The following WDR33 variants were observed in gnomAD, a reference collection of about 807,000 sequenced individuals.
The protein encoded by WDR33 is WD repeat domain 33, also known as pre-mRNA 3' end processing protein WDR33.
WDR33 carries 47 observed loss-of-function variants against 164.9 expected under a neutral mutation model. That is an observed-to-expected ratio of 0.29 (90% confidence interval 0.23 to 0.36). The LOEUF is 0.36. Ranked by LOEUF, WDR33 falls within the 10% of genes least tolerant of loss-of-function variation. The probability of loss-of-function intolerance (pLI) is 1.00; values close to 1 mark genes in which losing one functional copy is unlikely to be tolerated. For synonymous variants in WDR33, 505 were observed against 589.0 expected, an observed-to-expected ratio of 0.86 and a Z score of 2.06; for missense variants, 1,137 against 1,754.1, an observed-to-expected ratio of 0.65 and a Z score of 6.28.
At position 127,724,802 on chromosome 2, in the gene WDR33, G is replaced by T; in HGVS notation, c.1085+85C>A. 1 of 1,463,396 alleles carries T rather than the reference G, an allele frequency of 6.8e-7. No individual in the cohort carries two copies. Among genetic ancestry groups the T allele is most frequent in the South Asian group, 1.1e-5 (1 of 87,040 alleles). The allele number at this position is 1,463,396 out of a possible 1,614,324, so 90.7% of individuals were successfully genotyped here. On this transcript the variant is annotated intron_variant, in intron 10 of 21. Coordinates refer to ENST00000322313, the MANE Select transcript of WDR33 (RefSeq NM_018383.5). The surrounding 1 kb of genome is among the most constrained non-coding windows in gnomAD (Gnocchi z 4.8). ...CTGATATAGGATATATGAACACTTA[G>T]AAAAGCTACAAAACTATCATGTCTG...
Position 127,723,474 on chromosome 2 carries a change from T to C in WDR33, c.1197-127A>G, listed in dbSNP as rs1035671724. 1.3e-6 allele frequency: 1 copy of C among 743,964 alleles called. No individual in the cohort carries two copies. The highest frequency in any genetic ancestry group is 2.2e-6 in the Non-Finnish European group (1 of 463,584). The allele number at this position is 743,964 out of a possible 1,614,324, so 46.1% of individuals were successfully genotyped here. ...ATTTGTTTCTTCTACAAATTTAAAA[T>C]GTGAGGTCATACACTTTGGCTCACA... On this transcript the variant is annotated intron_variant, in intron 11 of 21. Coordinates refer to ENST00000322313, the MANE Select transcript of WDR33 (RefSeq NM_018383.5). This position sits in a 1 kb window ranked among gnomAD's most constrained non-coding sequence, Gnocchi z 5.9.
rs569049137 is a variant in WDR33 at position 127,739,464 on chromosome 2, T to C, written c.725-12687A>G. The stretch of plus-strand genomic sequence containing the variant: ...GTATGTTACATGTAATTCAAATAGG[T>C]TCAGTGCTCATATGCTACATAATGG... On this transcript the variant is annotated intron_variant, in intron 7 of 21. Coordinates refer to ENST00000322313, the MANE Select transcript of WDR33 (RefSeq NM_018383.5). Among the ~76,000 whole-genome samples, 241 of 152,336 alleles carry C rather than the reference T, an allele frequency of 1.6e-3. 1 individual carries two copies. Among genetic ancestry groups the C allele is most frequent in the African/African-American group, 5.6e-3 (234 of 41,560 alleles).
rs1221709794 is a variant in WDR33 at position 127,771,011 on chromosome 2, T to A, written c.-23-7A>T. The A allele has an allele frequency of 2.5e-6, 4 of 1,604,080 alleles. No homozygotes were observed. The South Asian group carries it at 3.3e-5, about 13-fold the overall frequency. On this transcript the variant is annotated splice_polypyrimidine_tract_variant and splice_region_variant and intron_variant, in intron 1 of 21. Coordinates refer to ENST00000322313, the MANE Select transcript of WDR33 (RefSeq NM_018383.5). ...ATGTTTTCCTTCTAGGATACTAGGATAAGGAAAAAGTACTTTCACTACAAA... is the reference window on the plus strand; with the variant it reads ...ATGTTTTCCTTCTAGGATACTAGGAAAAGGAAAAAGTACTTTCACTACAAA...
rs1685886381 is a variant in WDR33, at chr2:127,701,708, G to A, written c.*4615C>T. ...CGTGGGCGCGGAGCCCTGCGGAGTC[G>A]GCAGCGGCCGGCCTGACGTGCCTCC... On this transcript the variant is annotated 3_prime_UTR_variant, in exon 22 of 22. Transcript: ENST00000322313. The A allele has an allele frequency of 1.5e-6, 2 of 1,328,052 alleles. No homozygotes were observed. The highest frequency in any genetic ancestry group is 1.9e-5 in the South Asian group (1 of 52,006). 82.3% of individuals were successfully genotyped at this position (1,328,052 alleles called of 1,614,324 possible). A position where few individuals can be genotyped will look rare whatever the true frequency, so the allele number is the denominator to read the frequency against.
At chr2:127,758,479 AGGGCTACT>A (rs1687581703) in intron 7 of WDR33, among the ~76,000 whole-genome samples, 1 of 152,036 alleles carries the variant, frequency 6.6e-6, no homozygotes, top group African/African-American at 2.4e-5. Flanking sequence ...CTGCTCTGGT[AGGGCTACT>A]GGGAAGATTA....
intron 7 of WDR33, chr2:127,736,384 G>A (rs767256549): frequency 4.4e-5 from 43 of 985,284 alleles, no homozygotes; most frequent in Middle Eastern, 5.2e-4. Context: ...GTTGCAAAAT[G>A]TAAGGATTTG....
Position 127,709,407 on chromosome 2 carries a change from C to A in WDR33, c.3565+83G>T. Reference sequence around the variant, plus strand: ...GAGACATGAGCTGGAAAGAGGAGACCCGGTGCACCCCAGAGAGGGCCCTCA... The same window carrying A: ...GAGACATGAGCTGGAAAGAGGAGACACGGTGCACCCCAGAGAGGGCCCTCA... On this transcript the variant is annotated intron_variant, in intron 20 of 21. Coordinates refer to ENST00000322313, the MANE Select transcript of WDR33 (RefSeq NM_018383.5). This position sits in a 1 kb window ranked among gnomAD's most constrained non-coding sequence, Gnocchi z 5.0. 1 of 1,361,124 alleles carries A rather than the reference C, an allele frequency of 7.3e-7. No individual in the cohort carries two copies. The highest frequency in any genetic ancestry group is 1.2e-5 in the South Asian group (1 of 83,972). The allele number at this position is 1,361,124 out of a possible 1,614,324, so 84.3% of individuals were successfully genotyped here. A position where few individuals can be genotyped will look rare whatever the true frequency, so the allele number is the denominator to read the frequency against.
chr2:127,794,152 G>A (rs1281920935), intron 1 of WDR33, among the ~76,000 whole-genome samples: 1 of 148,814 alleles, frequency 6.7e-6, no homozygotes, highest in Admixed American at 6.9e-5. Flanking sequence ...TGTCAAGACA[G>A]ACAGACAGAC....
chr2:127,709,885 T>G lies in WDR33; in HGVS notation c.3309-29A>C. Reference sequence around the variant, plus strand: ...TAAAGAGAAAACAGCAGAATGTCCATCTCAGAGAACACCTTGCCACTCTAA... The same window carrying G: ...TAAAGAGAAAACAGCAGAATGTCCAGCTCAGAGAACACCTTGCCACTCTAA... On this transcript the variant is annotated intron_variant, in intron 18 of 21. Transcript: ENST00000322313. The surrounding 1 kb of genome is among the most constrained non-coding windows in gnomAD (Gnocchi z 5.0). 1 of 1,609,386 alleles carries G rather than the reference T, an allele frequency of 6.2e-7. No individual in the cohort carries two copies. The highest frequency in any genetic ancestry group is 8.5e-7 in the Non-Finnish European group (1 of 1,177,898).
intron 7 of WDR33, among the ~76,000 whole-genome samples, chr2:127,756,002 G>A (rs966671813): frequency 6.6e-6 from 1 of 152,094 alleles, no homozygotes; most frequent in African/African-American, 2.4e-5. Context: ...GATCATAGGT[G>A]CTTCTCAGAA....
At chr2:127,780,426 C>A (rs750882649) in intron 1 of WDR33, among the ~76,000 whole-genome samples, 1 of 152,112 alleles carries the variant, frequency 6.6e-6, no homozygotes, top group Non-Finnish European at 1.5e-5. Context: ...TCTTCATGAG[C>A]GGCAGGCTAG....
chr2:127,779,000 T>C (rs1001391654), intron 1 of WDR33, among the ~76,000 whole-genome samples: 1 of 151,566 alleles, frequency 6.6e-6, no homozygotes, highest in African/African-American at 2.4e-5. Flanking sequence ...GTAAAAAGAG[T>C]TTTAAACTAA....
At chr2:127,725,029 T>G in intron 9 of WDR33, 32 bp downstream of exon 9, 3 of 1,614,128 alleles carry the variant, frequency 1.9e-6, no homozygotes, top group Non-Finnish European at 2.5e-6. Context: ...CAGGTAACAG[T>G]GGTCAATGAG....
At chr2:127,780,339 A>G (rs1405691474) in intron 1 of WDR33, among the ~76,000 whole-genome samples, 1 of 152,222 alleles carries the variant, frequency 6.6e-6, no homozygotes, top group East Asian at 1.9e-4. Context: ...ATTTATGTAT[A>G]GTCCACTAGG....
At chr2:127,760,376 C>A (rs1433499150) in intron 7 of WDR33, among the ~76,000 whole-genome samples, 1 of 152,190 alleles carries the variant, frequency 6.6e-6, no homozygotes, top group African/African-American at 2.4e-5. Context: ...ACATGAACAT[C>A]ATCCTTAATA....
At chr2:127,711,780 A>ATATATATTTTTTT in intron 18 of WDR33, among the ~76,000 whole-genome samples, 1 of 88,320 alleles carries the variant, frequency 1.1e-5, no homozygotes, top group African/African-American at 6.5e-5. Flanking sequence ...ATATATATAT[A>ATATATATTTTTTT]TTTTTTTTTT....
Position 127,701,161 on chromosome 2 carries a change from A to T in WDR33, c.*5162T>A, listed in dbSNP as rs117566639. ...ACAATATCACCGCCACGGTAGACGC[A>T]GTGAGGCCATAAGACATTTCCGTCA... On this transcript the variant is annotated 3_prime_UTR_variant, in exon 22 of 22. Coordinates refer to ENST00000322313, the MANE Select transcript of WDR33 (RefSeq NM_018383.5). 5.7e-6 allele frequency: 1 copy of T among 174,204 alleles called. No individual in the cohort carries two copies. The allele number at this position is 174,204 out of a possible 1,614,324, so 10.8% of individuals were successfully genotyped here.
intron 1 of WDR33, 99 bp downstream of exon 1, chr2:127,810,913 C>T (rs1689628832): frequency 6.5e-6 from 1 of 152,816 alleles, no homozygotes; most frequent in South Asian, 2.1e-4. Context: ...CCCAGGCGCC[C>T]GTCCAGGCCC....
intron 7 of WDR33, among the ~76,000 whole-genome samples, chr2:127,740,932 CA>C (rs139277267): frequency 0.03 from 4,632 of 152,242 alleles, 101 homozygotes; most frequent in Middle Eastern, 0.044. Context: ...AAAAAGTGGC[CA>C]TTCTCTAAAA....
Sources: allele counts gnomAD v4.1 joint callset (sites outside exome capture counted in the v4.1 genomes callset), GRCh38; gene constraint gnomAD v4.1.1; non-coding constraint Gnocchi (gnomAD v3.1); transcripts MANE v1.5; gene names NCBI Gene and HGNC (gene_info 2026-07-23, HGNC 2026-07-21).